Variants in ST6GAL2 observed in about 807,000 individuals in gnomAD.
ST6GAL2 encodes the protein beta-galactoside alpha-2,6-sialyltransferase 2.
In ST6GAL2, 24 loss-of-function variants were observed where a neutral mutation model predicts 37.5. The ratio of observed to expected loss-of-function variants is 0.64; its 90% CI spans 0.46 to 0.90. ST6GAL2 has a LOEUF of 0.90. Among genes scored for constraint, ST6GAL2 ranks in the 40% least tolerant of loss-of-function variants. The pLI, the probability that ST6GAL2 is intolerant of heterozygous loss-of-function variation, is 0.00. For synonymous variants in ST6GAL2, 306 were observed against 295.1 expected (o/e 1.04, Z -0.38); for missense variants, 715 against 712.7 (o/e 1.00, Z -0.04).
intron 5 of ST6GAL2, 53 bp from the exon 6 acceptor site, chr2:106,807,002 A>G: frequency 6.6e-7 from 1 of 1,512,328 alleles, no homozygotes; most frequent in African/African-American, 1.4e-5. Context: ...TGTGAGAGGG[A>G]TGAGTTTTTT....
intron 1 of ST6GAL2, among the ~76,000 whole-genome samples, chr2:106,854,704 T>G (rs1227405361): frequency 6.6e-6 from 1 of 152,170 alleles, no homozygotes; most frequent in Non-Finnish European, 1.5e-5. Flanking sequence ...TGACTCAAGC[T>G]AATAAGCACA....
At chr2:106,856,255 A>G (rs1028085098) in intron 1 of ST6GAL2, among the ~76,000 whole-genome samples, 1 of 152,216 alleles carries the variant, frequency 6.6e-6, no homozygotes, top group African/African-American at 2.4e-5. Context: ...ACTGCCTAGG[A>G]TAATGGCATC....
Position 106,802,178 on chromosome 2 carries a change from T to C in ST6GAL2, c.*4500A>G, listed in dbSNP as rs935113979. On this transcript the variant is annotated 3_prime_UTR_variant, in exon 6 of 6. Transcript: ENST00000409382. ...GGAAGCGGTTGGCGGAGGACTGAAT[T>C]TTTTTTCTTTTAACAGAAGGACATA... 1 of 152,124 alleles carries C rather than the reference T, an allele frequency of 6.6e-6. No homozygotes were observed. The highest frequency in any genetic ancestry group is 1.5e-5 in the Non-Finnish European group (1 of 68,022). The allele number at this position is 152,124 out of a possible 1,614,324, so 9.4% of individuals were successfully genotyped here. A position where few individuals can be genotyped will look rare whatever the true frequency, so the allele number is the denominator to read the frequency against.
At chr2:106,845,790 C>T (rs955578323) in intron 1 of ST6GAL2, among the ~76,000 whole-genome samples, 2 of 152,038 alleles carry the variant, frequency 1.3e-5, no homozygotes, top group Admixed American at 1.3e-4. Flanking sequence ...TCTGTGTCTC[C>T]CCCTATTAAA....
At chr2:106,842,797 TC>T (rs886975464) in intron 2 of ST6GAL2, among the ~76,000 whole-genome samples, 1 of 152,086 alleles carries the variant, frequency 6.6e-6, no homozygotes, top group Non-Finnish European at 1.5e-5. Context: ...TCCCTAGCAT[TC>T]CCCAAATCCC....
intron 1 of ST6GAL2, among the ~76,000 whole-genome samples, chr2:106,867,883 T>G (rs1031403225): frequency 3.3e-5 from 5 of 152,140 alleles, no homozygotes; most frequent in Non-Finnish European, 7.3e-5. Flanking sequence ...TTTCTTTTCT[T>G]CCTCAACCTC....
chr2:106,825,306 G>GGA (rs1676160710), intron 5 of ST6GAL2, among the ~76,000 whole-genome samples: 1 of 152,216 alleles, frequency 6.6e-6, no homozygotes. Context: ...GCAGTGCTAT[G>GGA]GAGAGAGGTT....
intron 5 of ST6GAL2, among the ~76,000 whole-genome samples, chr2:106,819,413 T>G (rs1675919879): frequency 6.6e-6 from 1 of 152,052 alleles, no homozygotes; most frequent in Admixed American, 6.5e-5. Context: ...AGCAGACTTC[T>G]CAGTGGAAAC....
rs372148383 is a variant in ST6GAL2 at position 106,843,820 on chromosome 2, G to A, written c.158C>T (p.Pro53Leu). ...GATGGCCCGCTGCTTCCCCTGCACC[G>A]GCAGGAGCCTCCTGGTCTCCAGGAA... ...LSFLETRRLL[P>L]VQGKQRAIMG... is the part of the protein sequence containing the mutation. Residue 53 changes from proline (P) to leucine (L), a missense_variant, in exon 2 of 6, where the codon CCG becomes CTG. Physicochemically the swap from Pro to Leu is moderately conservative, Grantham distance 98. Transcript: ENST00000409382. 10 of 1,611,764 alleles carry A rather than the reference G, an allele frequency of 6.2e-6. No individual in the cohort carries two copies. The highest frequency in any genetic ancestry group is 1.7e-5 in the Admixed American group (1 of 59,944).
intron 1 of ST6GAL2, among the ~76,000 whole-genome samples, chr2:106,850,846 C>T (rs1192819891): frequency 2.6e-5 from 4 of 152,124 alleles, no homozygotes; most frequent in East Asian, 1.9e-4. Context: ...AGAAAGTCGT[C>T]GGTAATACTC....
intron 1 of ST6GAL2, among the ~76,000 whole-genome samples, chr2:106,884,081 G>C (rs1194647079): frequency 6.7e-6 from 1 of 149,986 alleles, no homozygotes; most frequent in Non-Finnish European, 1.5e-5. Flanking sequence ...ATAGACCAGA[G>C]CCTCACACAC....
At chr2:106,827,932 A>C (rs1366731612) in intron 5 of ST6GAL2, among the ~76,000 whole-genome samples, 1 of 152,198 alleles carries the variant, frequency 6.6e-6, no homozygotes, top group Admixed American at 6.5e-5. Context: ...AGGAAACAGC[A>C]GAGGGGAATT....
chr2:106,809,761 C>G (rs2104413976), intron 5 of ST6GAL2, among the ~76,000 whole-genome samples: 1 of 152,238 alleles, frequency 6.6e-6, no homozygotes, highest in African/African-American at 2.4e-5. Flanking sequence ...TATCACAGAC[C>G]AATGCTTTTG....
intron 2 of ST6GAL2, among the ~76,000 whole-genome samples, chr2:106,840,612 GGCTCATGCAAGT>G (rs1676838865): frequency 2.0e-5 from 3 of 152,160 alleles, no homozygotes; most frequent in Non-Finnish European, 4.4e-5. Flanking sequence ...TAATCATAAA[GGCTCATGCAAGT>G]GCATGCCAAA....
rs770385803 is a variant in ST6GAL2, at chr2:106,843,447, G to A, written c.531C>T (p.His177=). 1 of 1,613,970 alleles carries A rather than the reference G, an allele frequency of 6.2e-7. No individual in the cohort carries two copies. The highest frequency in any genetic ancestry group is 8.5e-7 in the Non-Finnish European group (1 of 1,180,014). The change falls in exon 2 of 6, where the codon CAC becomes CAT. Residue 177 remains histidine (H), a synonymous_variant. Transcript: ENST00000409382. ...ACACGTGGCTCCTTCTCTGCCTCCG[G>A]TGCCTCTTCTTCACCCGCCTCCTCT... The part of the protein sequence containing the change: ...QVQRRRVKKR[H]RRQRRSHVLE...
intron 1 of ST6GAL2, among the ~76,000 whole-genome samples, chr2:106,852,968 C>T (rs1349781712): frequency 6.6e-6 from 1 of 152,182 alleles, no homozygotes; most frequent in Non-Finnish European, 1.5e-5. Context: ...CATTATTTGT[C>T]TCCTTAGGCC....
At chr2:106,866,057 A>G (rs1447264597) in intron 1 of ST6GAL2, among the ~76,000 whole-genome samples, 2 of 152,344 alleles carry the variant, frequency 1.3e-5, no homozygotes, top group South Asian at 4.1e-4. Flanking sequence ...CTTTTATTAA[A>G]GGCTTATTAG....
chr2:106,886,157 A>T lies in ST6GAL2; in HGVS notation c.-122T>A, dbSNP rs1678981583. On this transcript the variant is annotated 5_prime_UTR_variant, in exon 1 of 6. Transcript: ENST00000409382. ...CGTGGTGCTCGGTGCTCCCCCTGGC[A>T]GCGCGGCACTGGAGTCCAAGGCGTG... The T allele has an allele frequency of 6.6e-6, 1 of 152,264 alleles. No homozygotes were observed. The highest frequency in any genetic ancestry group is 1.5e-5 in the Non-Finnish European group (1 of 68,102). 9.4% of individuals were successfully genotyped at this position (152,264 alleles called of 1,614,324 possible).
chr2:106,811,844 C>T (rs921637596), intron 5 of ST6GAL2, among the ~76,000 whole-genome samples: 10 of 152,198 alleles, frequency 6.6e-5, no homozygotes, highest in South Asian at 2.1e-4. Flanking sequence ...GTTTTACTCA[C>T]GATGATGATT....
Sources: gnomAD v4.1 joint callset for allele counts (sites outside exome capture counted in the v4.1 genomes callset) on GRCh38, gnomAD v4.1.1 for gene constraint, MANE v1.5 for transcripts, NCBI Gene and HGNC (gene_info 2026-07-23, HGNC 2026-07-21) for gene names.